FBXL17: variants seen among roughly 807,000 people sequenced by gnomAD.
The protein encoded by FBXL17 is F-box and leucine rich repeat protein 17.
FBXL17 carries 22 observed loss-of-function variants against 66.2 expected under a neutral mutation model. The ratio of observed to expected loss-of-function variants is 0.33; its 90% CI spans 0.24 to 0.47. FBXL17 has a LOEUF of 0.47. FBXL17 is among the 20% of genes least tolerant of loss of function. The pLI, the probability that FBXL17 is intolerant of heterozygous loss-of-function variation, is 1.00. For synonymous variants in FBXL17, 474 were observed against 400.5 expected (o/e 1.18, Z -2.19); for missense variants, 878 against 948.2 (o/e 0.93, Z 0.97).
At chr5:108,165,733 A>G (rs915475587) in intron 6 of FBXL17, among the ~76,000 whole-genome samples, 1 of 152,188 alleles carries the variant, frequency 6.6e-6, no homozygotes, top group Admixed American at 6.5e-5. Flanking sequence ...GTTCTTTACA[A>G]TTCTGAGTGT....
intron 5 of FBXL17, among the ~76,000 whole-genome samples, chr5:108,199,917 A>C (rs1753822085): frequency 6.6e-6 from 1 of 152,144 alleles, no homozygotes; most frequent in Non-Finnish European, 1.5e-5. Context: ...TGGTAGCGTA[A>C]GCCAGAAACT....
intron 4 of FBXL17, among the ~76,000 whole-genome samples, chr5:108,331,001 C>A (rs546484220): frequency 6.6e-6 from 1 of 151,978 alleles, no homozygotes. Flanking sequence ...TGCAATGAGC[C>A]GAGACTGCGC....
chr5:108,359,223 T>C (rs920062727), intron 3 of FBXL17, among the ~76,000 whole-genome samples: 2 of 152,144 alleles, frequency 1.3e-5, no homozygotes, highest in Non-Finnish European at 2.9e-5. Flanking sequence ...AGTTAAAGGT[T>C]TGTCAGAGTT....
chr5:107,875,741 A>G (rs1748599477), intron 8 of FBXL17, among the ~76,000 whole-genome samples: 1 of 152,230 alleles, frequency 6.6e-6, no homozygotes, highest in African/African-American at 2.4e-5. Flanking sequence ...TCACTCCTCA[A>G]CTAAGAACTT....
chr5:108,266,213 G>C (rs1194588653), intron 4 of FBXL17, among the ~76,000 whole-genome samples: 1 of 152,008 alleles, frequency 6.6e-6, no homozygotes, highest in Non-Finnish European at 1.5e-5. Context: ...TTTAAAGTTT[G>C]AATACAGTAG....
chr5:107,930,646 G>A (rs1248796897), intron 7 of FBXL17, among the ~76,000 whole-genome samples: 1 of 152,188 alleles, frequency 6.6e-6, no homozygotes, highest in African/African-American at 2.4e-5. Context: ...CACTTAGTAA[G>A]CATTTATTAA....
chr5:108,264,941 T>C (rs1401289217), intron 4 of FBXL17, among the ~76,000 whole-genome samples: 1 of 151,898 alleles, frequency 6.6e-6, no homozygotes, highest in Non-Finnish European at 1.5e-5. Flanking sequence ...CAGTTGATAG[T>C]TTTTAAATTT....
At chr5:107,991,456 G>A (rs1013322122) in intron 7 of FBXL17, among the ~76,000 whole-genome samples, 14 of 152,162 alleles carry the variant, frequency 9.2e-5, no homozygotes, top group African/African-American at 3.4e-4. Flanking sequence ...ATAGTTAAGA[G>A]CTCATACCAT....
At chr5:108,256,450 T>C (rs909300482) in intron 4 of FBXL17, among the ~76,000 whole-genome samples, 2 of 152,130 alleles carry the variant, frequency 1.3e-5, no homozygotes, top group Non-Finnish European at 2.9e-5. Flanking sequence ...ATAGCAGACT[T>C]GTCTTTCCAC....
At chr5:108,349,976 A>G (rs766671393) in intron 3 of FBXL17, among the ~76,000 whole-genome samples, 5 of 152,238 alleles carry the variant, frequency 3.3e-5, no homozygotes, top group African/African-American at 1.2e-4. Context: ...ATTATTTCAT[A>G]TATCACTGTT....
chr5:108,233,167 T>C (rs1290632181), intron 4 of FBXL17, among the ~76,000 whole-genome samples: 1 of 149,314 alleles, frequency 6.7e-6, no homozygotes, highest in Non-Finnish European at 1.5e-5. Context: ...TTATCAGATA[T>C]TTGTTTCACA....
chr5:108,267,288 C>T (rs780289330), intron 4 of FBXL17, among the ~76,000 whole-genome samples: 2 of 151,856 alleles, frequency 1.3e-5, no homozygotes, highest in Non-Finnish European at 2.9e-5. Flanking sequence ...GTTATATAAT[C>T]TAAATTTAGA....
chr5:108,100,146 A>G (rs186094258), intron 6 of FBXL17, among the ~76,000 whole-genome samples: 261 of 152,310 alleles, frequency 1.7e-3, no homozygotes, highest in African/African-American at 6.0e-3. Flanking sequence ...TCACTGGAGT[A>G]AAAATAGATT....
intron 6 of FBXL17, among the ~76,000 whole-genome samples, chr5:108,070,511 A>G (rs973273627): frequency 3.3e-5 from 5 of 152,204 alleles, no homozygotes; most frequent in Non-Finnish European, 5.9e-5. Flanking sequence ...CCTTATCACT[A>G]CGAATGCTTC....
chr5:107,937,386 T>A lies in FBXL17; in HGVS notation c.1823-56207A>T, dbSNP rs572126272. Reference sequence around the variant, plus strand: ...GACTGATTTTTGTCCTCTGGGAAACTCCACTTAACAGCTCTGAATATCATT... The same window carrying A: ...GACTGATTTTTGTCCTCTGGGAAACACCACTTAACAGCTCTGAATATCATT... On this transcript the variant is annotated intron_variant, in intron 7 of 8. Coordinates refer to ENST00000542267, the MANE Select transcript of FBXL17 (RefSeq NM_001163315.3). Among the ~76,000 whole-genome samples, 9 of 152,190 alleles carry A rather than the reference T, an allele frequency of 5.9e-5. No individual in the cohort carries two copies. The East Asian group carries it at 9.7e-4, about 16-fold the overall frequency.
In FBXL17 at chr5:108,314,511, T is replaced by C. The variant is rs558829728; in HGVS notation, c.1506+33888A>G. Among the ~76,000 whole-genome samples the C allele has an allele frequency of 2.6e-5, 4 of 151,724 alleles. No individual in the cohort carries two copies. In the South Asian group the frequency reaches 6.2e-4, roughly 24 times the overall value. On this transcript the variant is annotated intron_variant, in intron 4 of 8. Transcript: ENST00000542267. ...TGGTTGCCATATGCTGTGTTCCAAA[T>C]GCCTTTATTCACTTTAACTCTAAAT...
At chr5:107,984,886 A>G (rs1412478685) in intron 7 of FBXL17, among the ~76,000 whole-genome samples, 1 of 152,210 alleles carries the variant, frequency 6.6e-6, no homozygotes, top group Non-Finnish European at 1.5e-5. Context: ...TGGGGCAAAA[A>G]GGACAAGAGT....
At chr5:108,238,497 T>C (rs1755705593) in intron 4 of FBXL17, among the ~76,000 whole-genome samples, 2 of 152,184 alleles carry the variant, frequency 1.3e-5, no homozygotes, top group African/African-American at 4.8e-5. Context: ...CAATGAATTG[T>C]GACTTTTTAA....
rs568497997 is a variant in FBXL17, at chr5:108,381,548, G to C, written c.144C>G (p.Pro48=). The stretch of plus-strand genomic sequence containing the variant: ...CGCGGAAGAAGCAGTCCCGGCTCCG[G>C]GGCGCCGCCGGCTGAGGGGGCACCT... ...PAKVPPQPAA[P]RSRDCFFRGP... is the part of the protein sequence containing the mutation. The change falls in exon 1 of 9, where the codon CCC becomes CCG. Residue 48 remains proline, a synonymous_variant. Coordinates refer to ENST00000542267, the MANE Select transcript of FBXL17 (RefSeq NM_001163315.3). 3.8e-5 allele frequency: 54 copies of C among 1,429,070 alleles called. 2 individuals are homozygous for C. The South Asian group carries it at 6.5e-4, about 17-fold the overall frequency. The allele number at this position is 1,429,070 out of a possible 1,614,324, so 88.5% of individuals were successfully genotyped here.
Sources: allele counts gnomAD v4.1 joint callset (sites outside exome capture counted in the v4.1 genomes callset), GRCh38; gene constraint gnomAD v4.1.1; transcripts MANE v1.5; gene names NCBI Gene and HGNC (gene_info 2026-07-23, HGNC 2026-07-21).